The following RHBDL2 variants were observed in gnomAD, a reference collection of about 807,000 sequenced individuals.
RHBDL2 encodes the protein rhomboid-related protein 2.
Under a neutral mutation model 31.7 loss-of-function variants are expected in RHBDL2, and 26 were observed. That is an observed-to-expected ratio of 0.82 (90% confidence interval 0.60 to 1.14). The LOEUF (loss-of-function observed/expected upper bound fraction) is 1.14. RHBDL2 is among the 50% of genes most tolerant of loss of function. The probability of loss-of-function intolerance (pLI) is 0.00; values close to 1 mark genes in which losing one functional copy is unlikely to be tolerated. For missense variants in RHBDL2, 336 were observed against 364.4 expected (o/e 0.92, Z 0.63); for synonymous variants, 123 against 127.2 (o/e 0.97, Z 0.22).
At chr1:38,928,376 T>G (rs989179074) in intron 1 of RHBDL2, among the ~76,000 whole-genome samples, 2 of 152,108 alleles carry the variant, frequency 1.3e-5, no homozygotes, top group African/African-American at 2.4e-5. Context: ...TCTCCTGACC[T>G]CTTGATCCAC....
chr1:38,939,823 C>G (rs1643544158), intron 1 of RHBDL2, among the ~76,000 whole-genome samples: 1 of 152,070 alleles, frequency 6.6e-6, no homozygotes, highest in South Asian at 2.1e-4. Flanking sequence ...ATTACTACGG[C>G]TGGCGTGAGC....
intron 4 of RHBDL2, among the ~76,000 whole-genome samples, chr1:38,902,614 G>C (rs1643009439): frequency 6.6e-6 from 1 of 151,734 alleles, no homozygotes; most frequent in East Asian, 1.9e-4. Flanking sequence ...TAGAGACGGG[G>C]TTTCACCATG....
At chr1:38,929,593 C>A in intron 1 of RHBDL2, 1 of 1,278,922 alleles carries the variant, frequency 7.8e-7, no homozygotes, top group Non-Finnish European at 1.0e-6. Flanking sequence ...CAGGCCCCTG[C>A]CGGGGCTGAG....
intron 5 of RHBDL2, among the ~76,000 whole-genome samples, chr1:38,894,711 T>TC (rs1182073486): frequency 8.4e-5 from 12 of 143,158 alleles, no homozygotes; most frequent in East Asian, 2.0e-4. Flanking sequence ...TTTTTTCTTT[T>TC]TTTTTTTTTT....
rs148134151 is a variant in RHBDL2, at chr1:38,915,345, G to A, written c.395+217C>T. Among the ~76,000 whole-genome samples the A allele has an allele frequency of 2.7e-3, 416 of 151,836 alleles. 2 individuals are homozygous for A. Among genetic ancestry groups the A allele is most frequent in the African/African-American group, 9.3e-3 (384 of 41,388 alleles). Reference sequence around the variant, plus strand: ...TCACTATATCAGCCAGGCTGGTCTCGAATTCCTGACCTCAAGTGATCTGCC... The same window carrying A: ...TCACTATATCAGCCAGGCTGGTCTCAAATTCCTGACCTCAAGTGATCTGCC... On this transcript the variant is annotated intron_variant, in intron 3 of 7. Coordinates refer to ENST00000372990, the MANE Select transcript of RHBDL2 (RefSeq NM_017821.5).
intron 1 of RHBDL2, among the ~76,000 whole-genome samples, chr1:38,939,828 G>A (rs1036157553): frequency 2.6e-5 from 4 of 151,940 alleles, no homozygotes; most frequent in African/African-American, 9.7e-5. Flanking sequence ...TACGGCTGGC[G>A]TGAGCCACCG....
Position 38,909,058 on chromosome 1 carries a change from C to CTGCTGGCG in RHBDL2, c.508+2256_508+2263dup, listed in dbSNP as rs1247123439. ...CCGCGTCCTCCGGCTGGTCAGTGGC[C>CTGCTGGCG]TGCTGGCGTGCTGGCGTCTGTCCTG... On this transcript the variant is annotated intron_variant, in intron 4 of 7. Transcript: ENST00000372990. Among the ~76,000 whole-genome samples, 3 of 152,300 alleles carry CTGCTGGCG rather than the reference C, an allele frequency of 2.0e-5. No homozygotes were observed. The East Asian group carries it at 5.8e-4, about 29-fold the overall frequency.
chr1:38,918,996 C>T lies in RHBDL2; in HGVS notation c.217G>A (p.Val73Met), dbSNP rs779758751. 1.6e-5 allele frequency: 26 copies of T among 1,613,808 alleles called. No homozygotes were observed. Among genetic ancestry groups the T allele is most frequent in the Admixed American group, 1.3e-4 (8 of 59,976 alleles). Residue 73 changes from valine (V) to methionine (M), a missense_variant, in exon 2 of 8, where the codon GTG (valine) becomes ATG (methionine). Val to Met is a conservative substitution (Grantham distance 21, BLOSUM62 1). Transcript: ENST00000372990. ...LERANCFPPPVFIISISLAEL... is the reference protein window; with the variant it reads ...LERANCFPPPMFIISISLAEL... Reference sequence around the variant, plus strand: ...GCCAGGCTGATGGAGATGATGAACACGGGAGGCGGGAAGCAGTTAGCTCTC... The same window carrying T: ...GCCAGGCTGATGGAGATGATGAACATGGGAGGCGGGAAGCAGTTAGCTCTC...
chr1:38,933,460 A>T (rs1429079036), intron 1 of RHBDL2, among the ~76,000 whole-genome samples: 1 of 152,212 alleles, frequency 6.6e-6, no homozygotes, highest in African/African-American at 2.4e-5. Context: ...TTTCTGCTAG[A>T]ATATGACCTC....
chr1:38,902,201 C>CTTTTTTTTTTTTTTTTTTTTT (rs770169792), intron 4 of RHBDL2, among the ~76,000 whole-genome samples: 9 of 92,804 alleles, frequency 9.7e-5, no homozygotes, highest in Non-Finnish European at 1.0e-4. Context: ...TTTTCTTTTT[C>CTTTTTTTTTTTTTTTTTTTTT]TTTTTTTTTT....
At chr1:38,913,832 T>C (rs1046517777) in intron 3 of RHBDL2, among the ~76,000 whole-genome samples, 16 of 152,244 alleles carry the variant, frequency 1.1e-4, no homozygotes, top group Middle Eastern at 3.4e-3. Context: ...TAAGAAACTA[T>C]AGGCGGCCGG....
Position 38,887,979 on chromosome 1 carries a change from G to A in RHBDL2, c.716C>T (p.Pro239Leu), listed in dbSNP as rs1642807475. The A allele has an allele frequency of 1.2e-6, 2 of 1,611,674 alleles. No homozygotes were observed. The highest frequency in any genetic ancestry group is 1.7e-6 in the Non-Finnish European group (2 of 1,178,036). The change falls in exon 7 of 8, where the codon CCT becomes CTT. Residue 239 changes from proline (P) to leucine (L), a missense_variant. By Grantham distance (98) the Pro-to-Leu change is moderately conservative. Coordinates refer to ENST00000372990, the MANE Select transcript of RHBDL2 (RefSeq NM_017821.5). ...TGAACTCACCGGAGACCCATCTTCA[G>A]GAACAAAGAACCTTCTATAGAGAGC... ...GFALYRRFFV[P>L]EDGSPVSFAA... is the part of the protein sequence containing the mutation.
intron 2 of RHBDL2, among the ~76,000 whole-genome samples, chr1:38,918,512 C>G (rs1643267636): frequency 6.6e-6 from 1 of 152,192 alleles, no homozygotes; most frequent in African/African-American, 2.4e-5. Context: ...ACACCACGTG[C>G]TGCCTGAAGT....
intron 1 of RHBDL2, among the ~76,000 whole-genome samples, chr1:38,922,949 G>C (rs948567047): frequency 1.3e-5 from 2 of 152,002 alleles, no homozygotes; most frequent in African/African-American, 2.4e-5. Context: ...AAATTAGCTG[G>C]GCATGGTAGC....
intron 4 of RHBDL2, among the ~76,000 whole-genome samples, chr1:38,910,970 G>C (rs1276903555): frequency 6.6e-6 from 1 of 151,544 alleles, no homozygotes; most frequent in African/African-American, 2.4e-5. Flanking sequence ...GTGGAGAGAG[G>C]GTTTCACCAT....
intron 6 of RHBDL2, among the ~76,000 whole-genome samples, chr1:38,892,813 C>T (rs1320950994): frequency 6.6e-6 from 1 of 152,202 alleles, no homozygotes; most frequent in Non-Finnish European, 1.5e-5. Context: ...ACTACCTGTT[C>T]TAACCATAAG....
At chr1:38,887,109 C>T (rs2124296250) in intron 7 of RHBDL2, among the ~76,000 whole-genome samples, 1 of 148,908 alleles carries the variant, frequency 6.7e-6, no homozygotes, top group East Asian at 1.9e-4. Context: ...ACAGAAACTA[C>T]CAAATTCAAA....
At chr1:38,922,355 C>T (rs1449211402) in intron 1 of RHBDL2, among the ~76,000 whole-genome samples, 3 of 116,812 alleles carry the variant, frequency 2.6e-5, no homozygotes, top group South Asian at 3.1e-4. Context: ...GCAGCCTCTA[C>T]CTCCCAGGCT....
chr1:38,896,156 G>A (rs943104599), intron 4 of RHBDL2, 87 bp from the exon 5 acceptor site: 4 of 1,020,214 alleles, frequency 3.9e-6, no homozygotes, highest in Non-Finnish European at 5.9e-6. Flanking sequence ...CATTTGGGAA[G>A]TCTGGTCTAT....
Sources: allele counts gnomAD v4.1 joint callset (sites outside exome capture counted in the v4.1 genomes callset), GRCh38; gene constraint gnomAD v4.1.1; transcripts MANE v1.5; gene names NCBI Gene and HGNC (gene_info 2026-07-23, HGNC 2026-07-21).